SPPL3: variants seen among roughly 807,000 people sequenced by gnomAD.
The protein encoded by SPPL3 is signal peptide peptidase like 3, also known as signal peptide peptidase-like 3.
Under a neutral mutation model 42.4 loss-of-function variants are expected in SPPL3, and 5 were observed. The ratio of observed to expected loss-of-function variants is 0.12; its 90% CI spans 0.06 to 0.25. The LOEUF (loss-of-function observed/expected upper bound fraction) is 0.25. Ranked by LOEUF, SPPL3 falls within the 10% of genes least tolerant of loss-of-function variation. The pLI is 1.00. For missense variants in SPPL3, 235 were observed against 489.0 expected, an observed-to-expected ratio of 0.48 and a Z score of 4.90; for synonymous variants, 195 against 181.8, an observed-to-expected ratio of 1.07 and a Z score of -0.58.
intron 1 of SPPL3, among the ~76,000 whole-genome samples, chr12:120,846,130 T>C (rs1412515063): frequency 6.6e-6 from 1 of 152,098 alleles, no homozygotes. Context: ...GTCCTGTCAT[T>C]ACTGATATTT....
At chr12:120,799,780 T>C (rs1870227092) in intron 2 of SPPL3, among the ~76,000 whole-genome samples, 1 of 152,174 alleles carries the variant, frequency 6.6e-6, no homozygotes, top group African/African-American at 2.4e-5. Context: ...TAGCTCAAGC[T>C]GGGAAGATTC....
At chr12:120,903,537 C>A in intron 1 of SPPL3, 1 of 398,120 alleles carries the variant, frequency 2.5e-6, no homozygotes, top group Non-Finnish European at 4.6e-6. Context: ...TTCAACTTCC[C>A]ATCCGTGGGA....
chr12:120,799,010 A>G (rs1196661573), intron 2 of SPPL3, among the ~76,000 whole-genome samples: 1 of 152,216 alleles, frequency 6.6e-6, no homozygotes, highest in Non-Finnish European at 1.5e-5. Context: ...GTTGAGAACT[A>G]TTTATAACTC....
At chr12:120,872,632 G>A (rs912945211) in intron 1 of SPPL3, among the ~76,000 whole-genome samples, 3 of 152,006 alleles carry the variant, frequency 2.0e-5, no homozygotes, top group African/African-American at 7.3e-5. Context: ...TTTCAGTCTC[G>A]GATCTCCAAG....
Position 120,852,770 on chromosome 12 carries a change from T to G in SPPL3, c.24-41884A>C, listed in dbSNP as rs1206685073. On this transcript the variant is annotated intron_variant, in intron 1 of 10. Coordinates refer to ENST00000353487, the MANE Select transcript of SPPL3 (RefSeq NM_139015.5). ...TTTCATATATTATATCTATGTATAT[T>G]ATATATAAAATATATTTCATATATC... Among the ~76,000 whole-genome samples the G allele has an allele frequency of 8.4e-4, 82 of 98,152 alleles. 2 individuals carry two copies. The highest frequency in any genetic ancestry group is 5.0e-3 in the East Asian group (17 of 3,412). 64.4% of individuals were successfully genotyped at this position (98,152 alleles called of 152,430 possible).
intron 1 of SPPL3, among the ~76,000 whole-genome samples, chr12:120,817,408 G>A (rs1054267327): frequency 6.6e-6 from 1 of 152,110 alleles, no homozygotes; most frequent in African/African-American, 2.4e-5. Context: ...AGCCAAAGAG[G>A]CACTGCCACA....
rs1414486462 is a variant in SPPL3, at chr12:120,904,168, G to C, written c.-301C>G. Reference sequence around the variant, plus strand: ...AACATGGCGGCGGCGGCGGCGCGGAGAACAAGGGGGCCCTGGGGCGGGCGA... The same window carrying C: ...AACATGGCGGCGGCGGCGGCGCGGACAACAAGGGGGCCCTGGGGCGGGCGA... On this transcript the variant is annotated 5_prime_UTR_variant, in exon 1 of 11. Coordinates refer to ENST00000353487, the MANE Select transcript of SPPL3 (RefSeq NM_139015.5). 1 of 279,518 alleles carries C rather than the reference G, an allele frequency of 3.6e-6. No homozygotes were observed. The highest frequency in any genetic ancestry group is 6.6e-6 in the Non-Finnish European group (1 of 151,676). The allele number at this position is 279,518 out of a possible 1,614,324, so 17.3% of individuals were successfully genotyped here.
At chr12:120,881,333 T>C (rs1873274520) in intron 1 of SPPL3, among the ~76,000 whole-genome samples, 1 of 148,422 alleles carries the variant, frequency 6.7e-6, no homozygotes, top group Admixed American at 6.7e-5. Context: ...GCTGGGCGTG[T>C]TGGTGTGTGC....
chr12:120,874,753 G>A (rs1873032438), intron 1 of SPPL3, among the ~76,000 whole-genome samples: 1 of 151,916 alleles, frequency 6.6e-6, no homozygotes. Context: ...GGATAGGAGA[G>A]GATGTGTGAG....
At chr12:120,768,585 C>T in intron 7 of SPPL3, 97 bp from the exon 8 acceptor site, 1 of 1,335,756 alleles carries the variant, frequency 7.5e-7, no homozygotes. Context: ...TCTCAGAATG[C>T]TGTGACTGCA....
intron 2 of SPPL3, among the ~76,000 whole-genome samples, chr12:120,800,653 T>G (rs865809256): frequency 6.6e-6 from 1 of 152,214 alleles, no homozygotes; most frequent in Non-Finnish European, 1.5e-5. Context: ...ATATGCTATT[T>G]TTTTTTGTCT....
At chr12:120,866,967 G>A (rs1872772780) in intron 1 of SPPL3, among the ~76,000 whole-genome samples, 3 of 152,106 alleles carry the variant, frequency 2.0e-5, no homozygotes, top group East Asian at 1.9e-4. Flanking sequence ...AATAAGGAAC[G>A]TTTTTTAAAA....
chr12:120,826,550 T>C (rs1161637708), intron 1 of SPPL3, among the ~76,000 whole-genome samples: 1 of 152,080 alleles, frequency 6.6e-6, no homozygotes, highest in East Asian at 1.9e-4. Context: ...CACCAAACAG[T>C]GCCAGGGGAA....
intron 1 of SPPL3, among the ~76,000 whole-genome samples, chr12:120,891,787 G>A: frequency 6.8e-6 from 1 of 146,556 alleles, no homozygotes; most frequent in East Asian, 2.0e-4. Context: ...TAGGAAACAA[G>A]TAATATATGC....
intron 10 of SPPL3, among the ~76,000 whole-genome samples, chr12:120,765,940 AC>A (rs1230991407): frequency 6.6e-6 from 1 of 152,192 alleles, no homozygotes; most frequent in Admixed American, 6.5e-5. Context: ...GCAGGAGGGC[AC>A]TGCTTTGAAC....
At chr12:120,875,804 T>C (rs954564768) in intron 1 of SPPL3, among the ~76,000 whole-genome samples, 23 of 152,128 alleles carry the variant, frequency 1.5e-4, no homozygotes, top group African/African-American at 9.7e-5. Flanking sequence ...AAAAGGCAGA[T>C]TGTCAAACTG....
intron 1 of SPPL3, among the ~76,000 whole-genome samples, chr12:120,846,440 G>A (rs1261988044): frequency 2.0e-5 from 3 of 152,206 alleles, no homozygotes; most frequent in South Asian, 2.1e-4. Context: ...TTAAATTGAC[G>A]AAATAATCGA....
At chr12:120,775,621 T>C (rs1276725469) in intron 6 of SPPL3, among the ~76,000 whole-genome samples, 1 of 152,224 alleles carries the variant, frequency 6.6e-6, no homozygotes, top group Non-Finnish European at 1.5e-5. Context: ...CCAGGTTCTA[T>C]GATCCTTGAT....
rs1334323997 is a variant in SPPL3, at chr12:120,904,092, G to T, written c.-225C>A. On this transcript the variant is annotated 5_prime_UTR_variant, in exon 1 of 11. Transcript: ENST00000353487. Reference sequence around the variant, plus strand: ...CCGGGGCGGGGCGGGCTCCGCTCTCGGCCTCCCTCACCCGCGGCGGCGGCG... The same window carrying T: ...CCGGGGCGGGGCGGGCTCCGCTCTCTGCCTCCCTCACCCGCGGCGGCGGCG... The T allele has an allele frequency of 6.2e-6, 2 of 321,852 alleles. No individual in the cohort carries two copies. The highest frequency in any genetic ancestry group is 1.1e-5 in the Non-Finnish European group (2 of 178,286). The allele number at this position is 321,852 out of a possible 1,614,324, so 19.9% of individuals were successfully genotyped here. A position where few individuals can be genotyped will look rare whatever the true frequency, so the allele number is the denominator to read the frequency against.
Sources: gnomAD v4.1 joint callset for allele counts (sites outside exome capture counted in the v4.1 genomes callset) on GRCh38, gnomAD v4.1.1 for gene constraint, MANE v1.5 for transcripts, NCBI Gene and HGNC (gene_info 2026-07-23, HGNC 2026-07-21) for gene names.